Variants in TMEM161B observed in about 807,000 individuals in gnomAD.
TMEM161B encodes transmembrane protein 161B.
TMEM161B carries 34 observed loss-of-function variants against 61.8 expected under a neutral mutation model. That is an observed-to-expected ratio of 0.55 (90% CI 0.42 to 0.73). The LOEUF is 0.73. TMEM161B is among the 30% of genes least tolerant of loss of function. The pLI is 0.00. For synonymous variants in TMEM161B, 167 were observed against 192.8 expected (o/e 0.87, Z 1.11); for missense variants, 456 against 558.5 (o/e 0.82, Z 1.85).
chr5:88,248,872 C>T (rs994166695), intron 1 of TMEM161B, among the ~76,000 whole-genome samples: 5 of 151,996 alleles, frequency 3.3e-5, no homozygotes, highest in Non-Finnish European at 1.5e-5. Flanking sequence ...CCTTTTAAAT[C>T]TCTGTTTACC....
chr5:88,221,969 C>G (rs550203884), intron 4 of TMEM161B, among the ~76,000 whole-genome samples: 1 of 152,216 alleles, frequency 6.6e-6, no homozygotes, highest in African/African-American at 2.4e-5. Flanking sequence ...ACAAACTAAC[C>G]AAATTTTGTA....
Position 88,220,641 on chromosome 5 carries a change from A to C in TMEM161B, c.368T>G (p.Val123Gly). The change falls in exon 5 of 12, where the codon GTC (valine) becomes GGC (glycine). Residue 123 changes from valine to glycine, a missense_variant. Val to Gly is a moderately radical substitution (Grantham distance 109). This residue lies in a region of TMEM161B where 367 missense variants were observed against 427.3 expected (regional missense o/e 0.86). Transcript: ENST00000296595. ...TGTAGGCTTCATAAAATTGTAGTAG[A>C]CTTCAGTTACTAGATACACAACTGT... is the stretch of plus-strand genomic sequence containing the variant. ...AATVVYLVTE[V>G]YYNFMKPTQE... 3 of 1,599,046 alleles carry C rather than the reference A, an allele frequency of 1.9e-6. 1 individual carries two copies. In the South Asian group the frequency reaches 3.4e-5, roughly 18 times the overall value.
chr5:88,224,469 T>C (rs1442791305), intron 4 of TMEM161B, among the ~76,000 whole-genome samples: 1 of 152,164 alleles, frequency 6.6e-6, no homozygotes, highest in East Asian at 1.9e-4. Context: ...ATTATATAAT[T>C]ACAAAAATTG....
rs969486035 is a variant in TMEM161B, at chr5:88,202,967, G to T, written c.909C>A (p.Ile303=). 2.5e-6 allele frequency: 4 copies of T among 1,602,370 alleles called. No individual in the cohort carries two copies. The highest frequency in any genetic ancestry group is 2.2e-5 in the East Asian group (1 of 44,708). ...CCTCAAATGCCCATACTTACAAAGG[G>T]ATACTTTCTTTGCCCAGTGGTGGGT... ...IMNPPLGKES[I]PLMTEATFDT... Residue 303 remains isoleucine (I), a synonymous_variant, in exon 9 of 12, where the codon ATC becomes ATA. Transcript: ENST00000296595.
In TMEM161B at chr5:88,211,268, T is replaced by C. The variant is rs147819491; in HGVS notation, c.447-4088A>G. ...AACTATACATACAGAAACAGATACATACATATTTTTATTTAGAGATATTTA... is the reference window on the plus strand; with the variant it reads ...AACTATACATACAGAAACAGATACACACATATTTTTATTTAGAGATATTTA... On this transcript the variant is annotated intron_variant, in intron 5 of 11. Coordinates refer to ENST00000296595, the MANE Select transcript of TMEM161B (RefSeq NM_153354.5). 3.9e-3 allele frequency among the ~76,000 whole-genome samples: 590 copies of C among 152,076 alleles called. 4 individuals carry two copies. Among genetic ancestry groups the C allele is most frequent in the Non-Finnish European group, 5.1e-3 (347 of 67,984 alleles).
chr5:88,261,519 T>C (rs1194555994), intron 1 of TMEM161B, among the ~76,000 whole-genome samples: 1 of 151,910 alleles, frequency 6.6e-6, no homozygotes, highest in Non-Finnish European at 1.5e-5. Context: ...ATTAACCAAC[T>C]TCAAGATTCA....
rs764112016 is a variant in TMEM161B at position 88,220,727 on chromosome 5, GAAAAA to G, written c.290-13_290-9del. On this transcript the variant is annotated splice_polypyrimidine_tract_variant and intron_variant, in intron 4 of 11. Transcript: ENST00000296595. ...CTGGAAAGTAATGCAATGCTGGAAA[GAAAAA>G]AAAAAAAAAAAAAAAAAAAGGTCAA... 595 of 600,632 alleles carry G rather than the reference GAAAAA, an allele frequency of 9.9e-4. No homozygotes were observed. Among genetic ancestry groups the G allele is most frequent in the East Asian group, 3.2e-3 (30 of 9,346 alleles). The allele number at this position is 600,632 out of a possible 1,614,324, so 37.2% of individuals were successfully genotyped here.
chr5:88,221,526 T>C, intron 4 of TMEM161B: 1 of 318,052 alleles, frequency 3.1e-6, no homozygotes, highest in Non-Finnish European at 6.3e-6. Flanking sequence ...AAACTAAATA[T>C]ACCTCTTATA....
chr5:88,202,754 GTAA>G (rs1744662099), intron 9 of TMEM161B: 1 of 567,172 alleles, frequency 1.8e-6, no homozygotes, highest in African/African-American at 1.9e-5. Context: ...TTAGTGCAAG[GTAA>G]TAATCATTAA....
intron 1 of TMEM161B, among the ~76,000 whole-genome samples, chr5:88,241,545 A>G (rs1169092960): frequency 6.6e-6 from 1 of 151,884 alleles, no homozygotes. Flanking sequence ...ACAAGCTTTA[A>G]AAGTAATATG....
intron 5 of TMEM161B, among the ~76,000 whole-genome samples, chr5:88,215,588 C>T (rs1747685345): frequency 2.0e-5 from 3 of 152,254 alleles, no homozygotes; most frequent in South Asian, 4.1e-4. Context: ...CAGAAAGTAG[C>T]TTGGCCTGTA....
chr5:88,186,852 G>C (rs575161842), downstream of TMEM161B, among the ~76,000 whole-genome samples: 54 of 152,164 alleles, frequency 3.5e-4, no homozygotes, highest in Admixed American at 8.5e-4. Flanking sequence ...GCAGTGAGCT[G>C]AGATTGTGCC....
chr5:88,260,098 G>A (rs1284222580), intron 1 of TMEM161B, among the ~76,000 whole-genome samples: 1 of 152,112 alleles, frequency 6.6e-6, no homozygotes, highest in Non-Finnish European at 1.5e-5. Flanking sequence ...CAATATAAGT[G>A]GAATGTAGAA....
At chr5:88,263,992 C>T (rs57393044) in intron 1 of TMEM161B, among the ~76,000 whole-genome samples, 1 of 151,918 alleles carries the variant, frequency 6.6e-6, no homozygotes, top group Non-Finnish European at 1.5e-5. Context: ...AATACATGAC[C>T]GAATCCATCC....
chr5:88,191,982 GTATATATATATATATATATA>G (rs67658909), downstream of TMEM161B, among the ~76,000 whole-genome samples: 28 of 19,668 alleles, frequency 1.4e-3, 1 homozygote, highest in South Asian at 0.01. Context: ...AAAAAAAAGT[GTATATATATATATATATATA>G]TATATATATA....
At chr5:88,189,828 G>A (rs924792093) in exon 13 of TMEM161B, 46 of 527,262 alleles carry the variant, frequency 8.7e-5, no homozygotes, top group Non-Finnish European at 6.1e-5. Context: ...CATAGGGAGA[G>A]CCTGTATCCA....
chr5:88,212,180 A>G (rs1454588888), intron 5 of TMEM161B, among the ~76,000 whole-genome samples: 1 of 152,248 alleles, frequency 6.6e-6, no homozygotes. Flanking sequence ...GAAGAAAAAT[A>G]TGGATAACCT....
At chr5:88,199,327 A>G in intron 9 of TMEM161B, 177 bp from the exon 10 acceptor site, 1 of 492,402 alleles carries the variant, frequency 2.0e-6, no homozygotes, top group South Asian at 5.4e-5. Context: ...CTTGAATAAC[A>G]GAACTAGATA....
In TMEM161B at chr5:88,207,054, A is replaced by C; in HGVS notation, c.573T>G (p.Asn191Lys). ...KAMAVLIVTE[N>K]YLEFGLETGF... is the part of the protein sequence containing the mutation. ...CTGTTTCAAGTCCAAATTCCAGATA[A>C]TTTTCTGTTACAATCAACACTGCCA... Residue 191 changes from asparagine (N) to lysine (K), a missense_variant, in exon 6 of 12, where the codon AAT becomes AAG. Transcript: ENST00000296595. The C allele has an allele frequency of 6.2e-7, 1 of 1,612,096 alleles. No individual in the cohort carries two copies. The highest frequency in any genetic ancestry group is 8.5e-7 in the Non-Finnish European group (1 of 1,179,448).
Sources: gnomAD v4.1 joint callset for allele counts (sites outside exome capture counted in the v4.1 genomes callset) on GRCh38, gnomAD v4.1.1 for gene constraint, gnomAD v4.1.1 regional missense constraint, MANE v1.5 for transcripts, NCBI Gene and HGNC (gene_info 2026-07-23, HGNC 2026-07-21) for gene names.